Variants in CLDN16 observed in about 807,000 individuals in gnomAD.
CLDN16 encodes claudin 16, also known as claudin-16.
Under a neutral mutation model 24.6 loss-of-function variants are expected in CLDN16, and 13 were observed. The observed-to-expected ratio is 0.53, with a 90% CI of 0.34 to 0.84. The LOEUF is 0.84. Ranked by LOEUF, CLDN16 falls within the 40% of genes least tolerant of loss-of-function variation. The pLI, the probability that CLDN16 is intolerant of heterozygous loss-of-function variation, is 0.01. For synonymous variants in CLDN16, 116 were observed against 106.7 expected (o/e 1.09, Z -0.54); for missense variants, 298 against 292.7 (o/e 1.02, Z -0.13).
intron 1 of CLDN16, among the ~76,000 whole-genome samples, chr3:190,356,899 T>C (rs889600956): frequency 2.6e-5 from 4 of 151,890 alleles, no homozygotes; most frequent in African/African-American, 9.7e-5. Flanking sequence ...TGCAAAATTA[T>C]CCCATGTGAA....
intron 1 of CLDN16, among the ~76,000 whole-genome samples, chr3:190,334,313 G>C (rs1717252002): frequency 6.6e-6 from 1 of 152,210 alleles, no homozygotes; most frequent in Non-Finnish European, 1.5e-5. Context: ...AAGTATTTGA[G>C]AAGTGGAAGG....
chr3:190,369,163 TACTA>T (rs1718083062), intron 1 of CLDN16, among the ~76,000 whole-genome samples: 1 of 151,924 alleles, frequency 6.6e-6, no homozygotes, highest in African/African-American at 2.4e-5. Flanking sequence ...TTTAGGTCAC[TACTA>T]ACTATTAAAT....
chr3:190,324,827 A>G (rs1006580718), intron 1 of CLDN16, among the ~76,000 whole-genome samples: 1 of 152,204 alleles, frequency 6.6e-6, no homozygotes, highest in African/African-American at 2.4e-5. Flanking sequence ...ATAATGGCTC[A>G]GCATAAATCT....
chr3:190,379,469 G>T (rs1577416915), intron 3 of CLDN16, among the ~76,000 whole-genome samples: 1 of 152,028 alleles, frequency 6.6e-6, no homozygotes, highest in East Asian at 1.9e-4. Flanking sequence ...ACAATGTATG[G>T]CACATAGAAT....
chr3:190,390,732 C>G (rs111257679), intron 1 of CLDN16, among the ~76,000 whole-genome samples: 1 of 152,052 alleles, frequency 6.6e-6, no homozygotes, highest in African/African-American at 2.4e-5. Flanking sequence ...CTTTTCTTGC[C>G]GCCATCCTCA....
At chr3:190,339,686 A>G (rs74476190) in intron 1 of CLDN16, among the ~76,000 whole-genome samples, 7,232 of 152,282 alleles carry the variant, frequency 0.047, 229 homozygotes, top group Admixed American at 0.059. Flanking sequence ...TTGAAACCAC[A>G]TATACTGCCT....
At chr3:190,343,080 A>T (rs1005377297) in intron 1 of CLDN16, among the ~76,000 whole-genome samples, 3 of 152,160 alleles carry the variant, frequency 2.0e-5, no homozygotes, top group African/African-American at 7.2e-5. Context: ...GGTTAATATA[A>T]AAGATTTATA....
At chr3:190,336,317 T>A (rs1422160694) in intron 1 of CLDN16, among the ~76,000 whole-genome samples, 2 of 152,206 alleles carry the variant, frequency 1.3e-5, no homozygotes, top group Non-Finnish European at 2.9e-5. Flanking sequence ...AAGGCAGATG[T>A]GCTTCAGAGA....
At chr3:190,308,983 T>G in the CLDN16 span, among the ~76,000 whole-genome samples, 3 of 152,154 alleles carry the variant, frequency 2.0e-5, no homozygotes, top group African/African-American at 4.8e-5. Context: ...GGCAGATGTA[T>G]TAAAGCAGAC....
chr3:190,297,258 C>A, the CLDN16 span, among the ~76,000 whole-genome samples: 1 of 151,534 alleles, frequency 6.6e-6, no homozygotes, highest in Non-Finnish European at 1.5e-5. Context: ...AAAGTCACAT[C>A]AACAGAAAAT....
chr3:190,315,080 A>G, the CLDN16 span, among the ~76,000 whole-genome samples: 4,517 of 152,278 alleles, frequency 0.03, 220 homozygotes, highest in African/African-American at 0.1. Context: ...TTTCTGATGG[A>G]TGGTTTTTGC....
chr3:190,379,477 A>G (rs77288866), intron 3 of CLDN16, among the ~76,000 whole-genome samples: 15,468 of 152,170 alleles, frequency 0.1, 952 homozygotes, highest in Non-Finnish European at 0.14. Flanking sequence ...TGGCACATAG[A>G]ATTCATTTGT....
intron 1 of CLDN16, among the ~76,000 whole-genome samples, chr3:190,326,556 G>A (rs1383478493): frequency 6.6e-6 from 1 of 152,218 alleles, no homozygotes; most frequent in Non-Finnish European, 1.5e-5. Flanking sequence ...TTCTTCTGAG[G>A]AGGGGTTGGC....
intron 1 of CLDN16, among the ~76,000 whole-genome samples, chr3:190,352,378 G>A (rs1259374540): frequency 6.6e-6 from 1 of 152,010 alleles, no homozygotes; most frequent in Non-Finnish European, 1.5e-5. Flanking sequence ...ATATGTGATT[G>A]GAATTGTCTT....
intron 1 of CLDN16, among the ~76,000 whole-genome samples, chr3:190,340,183 T>A (rs1717396078): frequency 1.3e-5 from 2 of 152,212 alleles, no homozygotes; most frequent in Admixed American, 1.3e-4. Flanking sequence ...AAGGGCTATT[T>A]ATGGAAAACC....
chr3:190,328,333 A>C (rs954087699), intron 1 of CLDN16, among the ~76,000 whole-genome samples: 5 of 152,136 alleles, frequency 3.3e-5, no homozygotes, highest in African/African-American at 1.2e-4. Flanking sequence ...ATAAGACAGA[A>C]TCTAGGATAT....
chr3:190,348,253 C>CA (rs35983526), intron 1 of CLDN16, among the ~76,000 whole-genome samples: 1,610 of 55,852 alleles, frequency 0.029, 48 homozygotes, highest in South Asian at 0.083. Flanking sequence ...GACTCCGTCT[C>CA]AAAAAAAAAA....
intron 1 of CLDN16, among the ~76,000 whole-genome samples, chr3:190,334,001 C>T (rs950575808): frequency 6.6e-6 from 1 of 151,866 alleles, no homozygotes; most frequent in Non-Finnish European, 1.5e-5. Flanking sequence ...GGAGGAGGGG[C>T]TAGAGTTGCC....
At chr3:190,373,581 G>T (rs1364860598) in intron 2 of CLDN16, among the ~76,000 whole-genome samples, 1 of 151,796 alleles carries the variant, frequency 6.6e-6, no homozygotes, top group Admixed American at 6.6e-5. Flanking sequence ...CTCAAATATA[G>T]TTATAATGCA....
Sources: gnomAD v4.1 joint callset for allele counts (sites outside exome capture counted in the v4.1 genomes callset) on GRCh38, gnomAD v4.1.1 for gene constraint, MANE v1.5 for transcripts, NCBI Gene and HGNC (gene_info 2026-07-23, HGNC 2026-07-21) for gene names.